The following ANKS1B variants were observed in gnomAD, a reference collection of about 807,000 sequenced individuals.
ANKS1B encodes the protein ankyrin repeat and sterile alpha motif domain containing 1B, also known as ankyrin repeat and sterile alpha motif domain-containing protein 1B.
A neutral mutation model predicts 148.3 loss-of-function variants in ANKS1B; 36 were observed. That is an observed-to-expected ratio of 0.24 (90% confidence interval 0.19 to 0.32). The LOEUF (loss-of-function observed/expected upper bound fraction) is 0.32. ANKS1B is among the 10% of genes least tolerant of loss of function. ANKS1B has a pLI of 1.00. For missense variants in ANKS1B, 1,157 were observed against 1,542.6 expected (o/e 0.75, Z 4.19); for synonymous variants, 542 against 560.8 (o/e 0.97, Z 0.47).
chr12:99,265,811 C>A (rs564397513), intron 12 of ANKS1B, among the ~76,000 whole-genome samples: 9 of 152,236 alleles, frequency 5.9e-5, no homozygotes, highest in African/African-American at 2.2e-4. Flanking sequence ...TATTTCTTTA[C>A]TTCGTGCTTT....
At chr12:99,003,494 C>G (rs1339164438) in intron 17 of ANKS1B, among the ~76,000 whole-genome samples, 3 of 152,168 alleles carry the variant, frequency 2.0e-5, no homozygotes, top group African/African-American at 7.2e-5. Context: ...TATAGGGCAT[C>G]AGTTCTCAAG....
At chr12:99,670,193 T>C (rs1459749296) in intron 8 of ANKS1B, among the ~76,000 whole-genome samples, 1 of 152,178 alleles carries the variant, frequency 6.6e-6, no homozygotes, top group African/African-American at 2.4e-5. Flanking sequence ...ATTTCCTCTA[T>C]TTTGTACAAA....
At chr12:99,065,050 A>G (rs1466608493) in intron 16 of ANKS1B, among the ~76,000 whole-genome samples, 1 of 152,144 alleles carries the variant, frequency 6.6e-6, no homozygotes, top group Non-Finnish European at 1.5e-5. Flanking sequence ...CTGCAACTAG[A>G]ATAAGGCGCT....
intron 10 of ANKS1B, among the ~76,000 whole-genome samples, chr12:99,495,622 C>G (rs2096596907): frequency 6.6e-6 from 1 of 152,040 alleles, no homozygotes; most frequent in African/African-American, 2.4e-5. Flanking sequence ...GAGCAAATGC[C>G]AAGTAAATAA....
intron 1 of ANKS1B, among the ~76,000 whole-genome samples, chr12:99,854,880 A>G (rs1367095641): frequency 1.3e-5 from 2 of 152,220 alleles, no homozygotes; most frequent in African/African-American, 4.8e-5. Flanking sequence ...CCAGCACTAA[A>G]AGAAGTGCTA....
intron 17 of ANKS1B, among the ~76,000 whole-genome samples, chr12:98,952,349 C>T (rs913632815): frequency 3.3e-5 from 5 of 152,160 alleles, no homozygotes; most frequent in African/African-American, 1.2e-4. Flanking sequence ...GTTAGCAGAG[C>T]GTAGCATTGA....
chr12:99,583,565 A>G (rs1567406804), intron 9 of ANKS1B, among the ~76,000 whole-genome samples: 1 of 152,236 alleles, frequency 6.6e-6, no homozygotes, highest in East Asian at 1.9e-4. Context: ...CCATTAATAA[A>G]TGACTTTTTA....
chr12:99,151,338 G>A (rs2074839321), intron 15 of ANKS1B, among the ~76,000 whole-genome samples: 2 of 152,086 alleles, frequency 1.3e-5, no homozygotes, highest in Admixed American at 1.3e-4. Context: ...GACCAGCCTG[G>A]TCGACATGGT....
intron 9 of ANKS1B, among the ~76,000 whole-genome samples, chr12:99,530,376 G>C (rs551188554): frequency 6.6e-6 from 1 of 152,154 alleles, no homozygotes; most frequent in African/African-American, 2.4e-5. Context: ...AGATCACAAA[G>C]AGAATAAGTG....
chr12:99,663,612 ACAAGTCTTGATGC>A (rs987794319), intron 8 of ANKS1B, among the ~76,000 whole-genome samples: 3 of 152,146 alleles, frequency 2.0e-5, no homozygotes, highest in Non-Finnish European at 4.4e-5. Context: ...AAGAAGAAAA[ACAAGTCTTGATGC>A]CAATGAGTAC....
chr12:99,260,562 A>G (rs960304556), intron 12 of ANKS1B, among the ~76,000 whole-genome samples: 3 of 152,198 alleles, frequency 2.0e-5, no homozygotes, highest in Non-Finnish European at 2.9e-5. Flanking sequence ...CGTTAAAGAT[A>G]AATTATATCT....
intron 14 of ANKS1B, among the ~76,000 whole-genome samples, chr12:99,171,947 G>A (rs536789989): frequency 7.6e-4 from 116 of 152,182 alleles, no homozygotes; most frequent in Non-Finnish European, 1.3e-3. Flanking sequence ...TTACCATAAA[G>A]AATGATCAGT....
Position 99,872,893 on chromosome 12 carries a change from T to C in ANKS1B, c.135-47504A>G, listed in dbSNP as rs188161051. Among the ~76,000 whole-genome samples the C allele has an allele frequency of 1.3e-3, 194 of 152,270 alleles. 1 individual carries two copies. Among genetic ancestry groups the C allele is most frequent in the African/African-American group, 4.5e-3 (188 of 41,588 alleles). ...AAATGATGAGGGTCTTATTCTCAAT[T>C]GTTTCCAACACTAGATACATTATAA... is the stretch of plus-strand genomic sequence containing the variant. On this transcript the variant is annotated intron_variant, in intron 1 of 26. Transcript: ENST00000683438.
At chr12:99,032,285 A>G (rs565554137) in intron 17 of ANKS1B, among the ~76,000 whole-genome samples, 3 of 152,338 alleles carry the variant, frequency 2.0e-5, no homozygotes, top group Non-Finnish European at 4.4e-5. Context: ...TGTTGTATAA[A>G]TTACCATAAA....
intron 15 of ANKS1B, among the ~76,000 whole-genome samples, chr12:99,138,936 T>A (rs565350724): frequency 1.6e-4 from 23 of 147,168 alleles, no homozygotes; most frequent in African/African-American, 5.9e-4. Context: ...TCCCTTTCTC[T>A]CTTTCTTTTT....
At chr12:99,847,071 G>A (rs2086788051) in intron 1 of ANKS1B, among the ~76,000 whole-genome samples, 1 of 151,894 alleles carries the variant, frequency 6.6e-6, no homozygotes, top group African/African-American at 2.4e-5. Context: ...AAGGACAGTG[G>A]CAGGGCCTCA....
intron 24 of ANKS1B, among the ~76,000 whole-genome samples, chr12:98,774,049 C>A (rs2098639451): frequency 6.6e-6 from 1 of 152,188 alleles, no homozygotes. Flanking sequence ...GGTGCAGGGG[C>A]CTGATAAGAG....
chr12:99,502,819 C>T (rs1042791593), intron 10 of ANKS1B, among the ~76,000 whole-genome samples: 1 of 152,172 alleles, frequency 6.6e-6, no homozygotes, highest in Non-Finnish European at 1.5e-5. Flanking sequence ...CCTTAAAAGT[C>T]TTCCTTCTGT....
At chr12:99,577,582 A>G (rs1273241032) in intron 9 of ANKS1B, among the ~76,000 whole-genome samples, 2 of 151,960 alleles carry the variant, frequency 1.3e-5, no homozygotes, top group Non-Finnish European at 2.9e-5. Context: ...AAAAACCCTC[A>G]GAGACAATTA....
Sources: gnomAD v4.1 joint callset for allele counts (sites outside exome capture counted in the v4.1 genomes callset) on GRCh38, gnomAD v4.1.1 for gene constraint, MANE v1.5 for transcripts, NCBI Gene and HGNC (gene_info 2026-07-23, HGNC 2026-07-21) for gene names.